Variants in CTNNA3 observed in about 807,000 individuals in gnomAD.
The protein encoded by CTNNA3 is catenin alpha 3, also known as catenin alpha-3.
Under a neutral mutation model 95.7 loss-of-function variants are expected in CTNNA3, and 76 were observed. The observed-to-expected ratio is 0.79, with a 90% CI of 0.66 to 0.96. The LOEUF (loss-of-function observed/expected upper bound fraction) is 0.96. Ranked by LOEUF, CTNNA3 falls within the 40% of genes least tolerant of loss-of-function variation. The probability of loss-of-function intolerance (pLI) is 0.00; values close to 1 mark genes in which losing one functional copy is unlikely to be tolerated. For synonymous variants in CTNNA3, 431 were observed against 374.4 expected (o/e 1.15, Z -1.74); for missense variants, 1,191 against 1,089.8 (o/e 1.09, Z -1.31).
intron 10 of CTNNA3, among the ~76,000 whole-genome samples, chr10:66,543,856 T>G (rs1245990228): frequency 1.4e-5 from 2 of 145,996 alleles, no homozygotes; most frequent in African/African-American, 5.0e-5. Flanking sequence ...GTATTAAAAT[T>G]GCTAAATTTT....
At chr10:67,498,273 G>T (rs1310879509) in intron 5 of CTNNA3, among the ~76,000 whole-genome samples, 2 of 152,110 alleles carry the variant, frequency 1.3e-5, no homozygotes, top group South Asian at 2.1e-4. Flanking sequence ...TAAGGCCTCT[G>T]TTCTGTTCCA....
intron 7 of CTNNA3, among the ~76,000 whole-genome samples, chr10:66,824,524 G>A (rs1842423834): frequency 6.6e-6 from 1 of 152,090 alleles, no homozygotes; most frequent in Non-Finnish European, 1.5e-5. Flanking sequence ...AAGGAAATAG[G>A]TACCTTGAAC....
intron 11 of CTNNA3, among the ~76,000 whole-genome samples, chr10:66,496,251 A>AT (rs1248568565): frequency 5.9e-5 from 9 of 152,080 alleles, no homozygotes; most frequent in East Asian, 1.9e-4. Context: ...GTCAACCTTG[A>AT]TTTTTTAAAA....
chr10:66,044,130 G>A (rs2079768513), intron 15 of CTNNA3, among the ~76,000 whole-genome samples: 2 of 152,056 alleles, frequency 1.3e-5, no homozygotes, highest in African/African-American at 2.4e-5. Context: ...AAGTAGTTGG[G>A]ACTATAGGTG....
At chr10:67,736,987 A>G (rs1841306526) in intron 1 of CTNNA3, among the ~76,000 whole-genome samples, 2 of 151,468 alleles carry the variant, frequency 1.3e-5, no homozygotes, top group Non-Finnish European at 2.9e-5. Context: ...TGGGGGGGAC[A>G]GCGTCTCACA....
chr10:66,958,308 CAAAA>C (rs35076056), intron 7 of CTNNA3, among the ~76,000 whole-genome samples: 88 of 86,920 alleles, frequency 1.0e-3, no homozygotes, highest in African/African-American at 3.5e-3. Context: ...TGCTTTCTTG[CAAAA>C]AAAAAAAAAA....
chr10:67,524,012 T>C (rs1015691861), intron 4 of CTNNA3, among the ~76,000 whole-genome samples: 7 of 152,176 alleles, frequency 4.6e-5, no homozygotes, highest in East Asian at 1.9e-4. Context: ...CCCTAAGAAA[T>C]ATTAGCTCTA....
intron 15 of CTNNA3, among the ~76,000 whole-genome samples, chr10:66,005,846 C>T (rs1655675746): frequency 6.6e-6 from 1 of 151,832 alleles, no homozygotes; most frequent in South Asian, 2.1e-4. Flanking sequence ...ATAAGACATT[C>T]AAATACTATA....
chr10:65,968,951 C>T (rs564334981), intron 16 of CTNNA3, among the ~76,000 whole-genome samples: 111 of 152,310 alleles, frequency 7.3e-4, no homozygotes, highest in Middle Eastern at 3.4e-3. Context: ...ATCTTGCTCC[C>T]AACACCTCTA....
chr10:65,973,994 TCAA>T (rs2078161086), intron 16 of CTNNA3, among the ~76,000 whole-genome samples: 1 of 152,116 alleles, frequency 6.6e-6, no homozygotes, highest in South Asian at 2.1e-4. Context: ...GAAAAAATGC[TCAA>T]CATCATGAAT....
At position 66,819,456 on chromosome 10, in the gene CTNNA3, A is replaced by G. The variant is rs528131662; in HGVS notation, c.1048-43932T>C. ...CAATAGTTTCTTAGGTATGACATCA[A>G]AAGTACGAGCAGCGAAAAATAAATA... On this transcript the variant is annotated intron_variant, in intron 7 of 17. Transcript: ENST00000433211. 9.1e-4 allele frequency among the ~76,000 whole-genome samples: 139 copies of G among 152,286 alleles called. 2 individuals carry two copies. The highest frequency in any genetic ancestry group is 3.2e-3 in the African/African-American group (135 of 41,576).
chr10:67,349,478 C>A (rs1405642915), intron 5 of CTNNA3, among the ~76,000 whole-genome samples: 1 of 151,970 alleles, frequency 6.6e-6, no homozygotes. Flanking sequence ...ATGATTCCAC[C>A]TATATGAAGT....
chr10:67,493,843 G>A (rs1347767230), intron 5 of CTNNA3, among the ~76,000 whole-genome samples: 5 of 152,170 alleles, frequency 3.3e-5, no homozygotes, highest in African/African-American at 9.7e-5. Context: ...GCTGGATGGG[G>A]TATTGCTTTG....
At chr10:66,478,395 A>G (rs1338455290) in intron 11 of CTNNA3, among the ~76,000 whole-genome samples, 1 of 152,084 alleles carries the variant, frequency 6.6e-6, no homozygotes, top group Non-Finnish European at 1.5e-5. Context: ...AAGAATATTA[A>G]GCATGTTCAG....
At chr10:66,928,706 C>G (rs970111948) in intron 7 of CTNNA3, among the ~76,000 whole-genome samples, 2 of 152,164 alleles carry the variant, frequency 1.3e-5, no homozygotes, top group Admixed American at 1.3e-4. Context: ...TAATATAATA[C>G]CTATTGTATA....
chr10:66,017,561 T>C (rs1007297338), intron 15 of CTNNA3, among the ~76,000 whole-genome samples: 9 of 152,146 alleles, frequency 5.9e-5, no homozygotes, highest in African/African-American at 1.7e-4. Context: ...TATAGTGCTA[T>C]AGCTGTGAAA....
At chr10:66,673,002 T>A (rs1846719267) in intron 9 of CTNNA3, among the ~76,000 whole-genome samples, 1 of 152,140 alleles carries the variant, frequency 6.6e-6, no homozygotes, top group Non-Finnish European at 1.5e-5. Context: ...GGATGTTAGT[T>A]GCAAATCCAG....
At chr10:66,013,099 C>T (rs34559252) in intron 15 of CTNNA3, among the ~76,000 whole-genome samples, 11,571 of 152,228 alleles carry the variant, frequency 0.076, 553 homozygotes, top group Non-Finnish European at 0.12. Flanking sequence ...CAGTGTTTTG[C>T]CATGTTGGCC....
intron 13 of CTNNA3, among the ~76,000 whole-genome samples, chr10:66,231,240 G>A (rs1465707075): frequency 1.3e-5 from 2 of 152,118 alleles, no homozygotes; most frequent in African/African-American, 2.4e-5. Context: ...TTTTTCTGCA[G>A]TGGAAAGCTC....
Sources: allele counts gnomAD v4.1 joint callset (sites outside exome capture counted in the v4.1 genomes callset), GRCh38; gene constraint gnomAD v4.1.1; transcripts MANE v1.5; gene names NCBI Gene and HGNC (gene_info 2026-07-23, HGNC 2026-07-21).